PRKCH: variants seen among roughly 807,000 people sequenced by gnomAD.
PRKCH encodes the protein protein kinase C eta type.
A neutral mutation model predicts 82.5 loss-of-function variants in PRKCH; 28 were observed. The observed-to-expected ratio is 0.34, with a 90% confidence interval of 0.25 to 0.47. PRKCH has a LOEUF of 0.47. PRKCH is among the 20% of genes least tolerant of loss of function. PRKCH has a pLI of 1.00. For synonymous variants in PRKCH, 322 were observed against 327.4 expected (o/e 0.98, Z 0.18); for missense variants, 705 against 881.8 (o/e 0.80, Z 2.54).
At position 61,519,321 on chromosome 14, in the gene PRKCH, A is replaced by G. The variant is rs201359813; in HGVS notation, c.1434-9754A>G. On this transcript the variant is annotated intron_variant, in intron 10 of 13. Transcript: ENST00000332981. ...TGAATGAATGAATGAATGAATGAAT[A>G]AATAAAATTTTTGTAGAGACAGGGT... Among the ~76,000 whole-genome samples, 5 of 151,026 alleles carry G rather than the reference A, an allele frequency of 3.3e-5. No homozygotes were observed. In the East Asian group the frequency reaches 5.9e-4, roughly 18 times the overall value.
chr14:61,391,741 C>T (rs2046685701), intron 2 of PRKCH, among the ~76,000 whole-genome samples: 1 of 152,214 alleles, frequency 6.6e-6, no homozygotes, highest in Non-Finnish European at 1.5e-5. Context: ...ACCGTACTCC[C>T]TACTCCCCCA....
rs201609904 is a variant in PRKCH, at chr14:61,249,539, G to A, written c.-19+61871G>A. On this transcript the variant is annotated intron_variant, in intron 1 of 3. Coordinates refer to the PRKCH transcript ENST00000555185. ...AAGCTTTCCAAAAAAAAAAAAAAAA[G>A]GGAAGTGTTGACATAAGTGTGAAGA... is the stretch of plus-strand genomic sequence containing the variant. 6.9e-4 allele frequency among the ~76,000 whole-genome samples: 93 copies of A among 135,268 alleles called. 2 individuals carry two copies. In the East Asian group the frequency reaches 0.02, roughly 28 times the overall value. 88.7% of individuals were successfully genotyped at this position (135,268 alleles called of 152,430 possible).
At chr14:61,506,365 A>G (rs1887148778) in intron 10 of PRKCH, among the ~76,000 whole-genome samples, 1 of 152,112 alleles carries the variant, frequency 6.6e-6, no homozygotes, top group African/African-American at 2.4e-5. Flanking sequence ...CAGGCCTCAC[A>G]TCAGTGGGGT....
intron 1 of PRKCH, chr14:61,299,827 T>C (rs2045436069): frequency 6.6e-6 from 1 of 152,236 alleles, no homozygotes; most frequent in Non-Finnish European, 1.5e-5. Context: ...ACTAGAGCTC[T>C]GCAATTAGAA....
intron 1 of PRKCH, among the ~76,000 whole-genome samples, chr14:61,346,992 C>T (rs2046001695): frequency 6.6e-6 from 1 of 152,062 alleles, no homozygotes; most frequent in South Asian, 2.1e-4. Flanking sequence ...GGAATTTTAC[C>T]GTATGTTTAC....
In PRKCH at chr14:61,322,068, CGCGGCCCCCCGGGGCCGGGGCAGCG is replaced by C. The variant is rs2045631828; in HGVS notation, c.-30_-6del. 1 of 1,505,930 alleles carries C rather than the reference CGCGGCCCCCCGGGGCCGGGGCAGCG, an allele frequency of 6.6e-7. No individual in the cohort carries two copies. The highest frequency in any genetic ancestry group is 8.9e-7 in the Non-Finnish European group (1 of 1,121,954). 93.3% of individuals were successfully genotyped at this position (1,505,930 alleles called of 1,614,324 possible). A position where few individuals can be genotyped will look rare whatever the true frequency, so the allele number is the denominator to read the frequency against. On this transcript the variant is annotated 5_prime_UTR_variant, in exon 1 of 14. Transcript: ENST00000332981. ...TCCCGGTTCTCCCGCTGCGAAGCAGCGCGGCCCCCCGGGGCCGGGGCAGCGGCGCCGGCATGTCGTCTGGCACCAT... is the reference window on the plus strand; with the variant it reads ...TCCCGGTTCTCCCGCTGCGAAGCAGCGCGCCGGCATGTCGTCTGGCACCAT...
chr14:61,322,145 G>T lies in PRKCH; in HGVS notation c.44G>T (p.Arg15Leu), dbSNP rs1182708761. The T allele has an allele frequency of 3.1e-6, 5 of 1,604,900 alleles. No homozygotes were observed. Among genetic ancestry groups the T allele is most frequent in the Non-Finnish European group, 4.3e-6 (5 of 1,175,726 alleles). ...AAGTTCAATGGCTATTTGAGGGTCC[G>T]CATCGGTGAGGCAGTGGGGCTGCAG... ...TMKFNGYLRV[R>L]IGEAVGLQPT... The change falls in exon 1 of 14, where the codon CGC becomes CTC. Residue 15 changes from arginine (R) to leucine (L), a missense_variant. Arg to Leu is a moderately radical substitution (Grantham distance 102). Transcript: ENST00000332981.
chr14:61,333,939 C>T (rs1211533291), intron 1 of PRKCH, among the ~76,000 whole-genome samples: 2 of 152,096 alleles, frequency 1.3e-5, no homozygotes, highest in Non-Finnish European at 2.9e-5. Flanking sequence ...GCCCCAGTCT[C>T]CCATGGTCTG....
chr14:61,257,945 T>G (rs950747640), intron 1 of PRKCH, among the ~76,000 whole-genome samples: 9 of 151,096 alleles, frequency 6.0e-5, no homozygotes, highest in African/African-American at 2.2e-4. Flanking sequence ...AGTTCCACTC[T>G]GGAACTAATT....
chr14:61,312,990 C>A (rs1383041912), intron 1 of PRKCH, among the ~76,000 whole-genome samples: 1 of 152,170 alleles, frequency 6.6e-6, no homozygotes, highest in Non-Finnish European at 1.5e-5. Flanking sequence ...ACTATAAAAA[C>A]TATTCAGTTC....
intron 1 of PRKCH, among the ~76,000 whole-genome samples, chr14:61,255,603 A>G (rs2044990194): frequency 6.6e-6 from 1 of 152,138 alleles, no homozygotes; most frequent in Admixed American, 6.5e-5. Flanking sequence ...TAGCATTTCC[A>G]CCCCACCTTT....
intron 2 of PRKCH, among the ~76,000 whole-genome samples, chr14:61,415,685 C>T: frequency 6.6e-6 from 1 of 152,198 alleles, no homozygotes; most frequent in African/African-American, 2.4e-5. Flanking sequence ...TGATAAAATG[C>T]ACATAAAAAT....
chr14:61,272,556 G>A (rs1377196395), intron 1 of PRKCH, among the ~76,000 whole-genome samples: 2 of 151,838 alleles, frequency 1.3e-5, no homozygotes, highest in Non-Finnish European at 2.9e-5. Flanking sequence ...GTTTCACCAT[G>A]TCGGCCAGGC....
chr14:61,409,595 G>A (rs557648078), intron 2 of PRKCH, among the ~76,000 whole-genome samples: 3 of 151,362 alleles, frequency 2.0e-5, no homozygotes, highest in African/African-American at 7.3e-5. Context: ...CAGTTACTTG[G>A]GAGGCAAGAA....
intron 1 of PRKCH, chr14:61,279,960 T>A: frequency 1.3e-6 from 1 of 778,088 alleles, no homozygotes; most frequent in Non-Finnish European, 2.0e-6. Flanking sequence ...AATTCCCTTA[T>A]CTGGTCCCCT....
chr14:61,474,805 A>G (rs1001712521), intron 9 of PRKCH, among the ~76,000 whole-genome samples: 6 of 152,222 alleles, frequency 3.9e-5, no homozygotes, highest in Admixed American at 2.0e-4. Flanking sequence ...AGAGTTTGTC[A>G]TGGCTACAGT....
chr14:61,440,496 G>A (rs929950847), intron 2 of PRKCH, among the ~76,000 whole-genome samples: 27 of 152,296 alleles, frequency 1.8e-4, no homozygotes, highest in East Asian at 3.9e-4. Context: ...AAATTCATTT[G>A]GACTCTTTCT....
chr14:61,439,971 G>A (rs1883880015), intron 2 of PRKCH, among the ~76,000 whole-genome samples: 1 of 152,150 alleles, frequency 6.6e-6, no homozygotes, highest in African/African-American at 2.4e-5. Context: ...ACCAATCTTT[G>A]TAGTATTAAG....
At chr14:61,268,278 G>T (rs2045122012) in intron 1 of PRKCH, among the ~76,000 whole-genome samples, 2 of 152,164 alleles carry the variant, frequency 1.3e-5, no homozygotes, top group Non-Finnish European at 2.9e-5. Context: ...AAAATGTGGG[G>T]GGAAGTGCAG....
Sources: gnomAD v4.1 joint callset for allele counts (sites outside exome capture counted in the v4.1 genomes callset) on GRCh38, gnomAD v4.1.1 for gene constraint, MANE v1.5 for transcripts, NCBI Gene and HGNC (gene_info 2026-07-23, HGNC 2026-07-21) for gene names.